The following ABCC8 variants were observed in gnomAD, a reference collection of about 807,000 sequenced individuals.
ABCC8 encodes ATP binding cassette subfamily C member 8, also known as ATP-binding cassette sub-family C member 8.
Under a neutral mutation model 188.0 loss-of-function variants are expected in ABCC8, and 137 were observed. That is an observed-to-expected ratio of 0.73 (90% CI 0.63 to 0.84). The LOEUF (loss-of-function observed/expected upper bound fraction) is 0.84, where lower values mean the gene tolerates loss of function less well. Ranked by LOEUF, ABCC8 falls within the 40% of genes least tolerant of loss-of-function variation. The pLI, the probability that ABCC8 is intolerant of heterozygous loss-of-function variation, is 0.00. For missense variants in ABCC8, 1,750 were observed against 2,072.7 expected, an observed-to-expected ratio of 0.84 and a Z score of 3.02; for synonymous variants, 797 against 846.5, an observed-to-expected ratio of 0.94 and a Z score of 1.01.
chr11:17,458,916 C>T (rs1205461700), intron 6 of ABCC8, among the ~76,000 whole-genome samples: 1 of 152,214 alleles, frequency 6.6e-6, no homozygotes, highest in African/African-American at 2.4e-5. Context: ...ACATGTAACA[C>T]ATAGCATAAA....
chr11:17,432,229 G>C lies in ABCC8; in HGVS notation c.1646C>G (p.Ala549Gly). ...YTSISIFMNT[A>G]IPIAAVLITF... is the part of the protein sequence containing the mutation. ...TATGAGGACAGCTGCAATGGGGATG[G>C]CCGTGTTCATGAAAACTGCAGAGGA... Residue 549 changes from alanine (A) to glycine (G), a missense_variant, in exon 11 of 39, where the codon GCC (alanine) becomes GGC (glycine). Transcript: ENST00000389817. 6.4e-7 allele frequency: 1 copy of C among 1,552,718 alleles called. No individual in the cohort carries two copies. Among genetic ancestry groups the C allele is most frequent in the Non-Finnish European group, 8.7e-7 (1 of 1,147,406 alleles).
At chr11:17,442,101 A>C (rs1045566406) in intron 10 of ABCC8, among the ~76,000 whole-genome samples, 2 of 152,178 alleles carry the variant, frequency 1.3e-5, no homozygotes, top group Non-Finnish European at 2.9e-5. Context: ...AAAAAGTTTT[A>C]CATTCTCAGT....
intron 3 of ABCC8, among the ~76,000 whole-genome samples, chr11:17,464,751 C>T (rs958070879): frequency 6.6e-6 from 1 of 152,192 alleles, no homozygotes; most frequent in Non-Finnish European, 1.5e-5. Flanking sequence ...CAACCAAAAC[C>T]AGCAATAACC....
chr11:17,419,546 G>GGGATATTAGGT (rs369315180), intron 16 of ABCC8, among the ~76,000 whole-genome samples: 1 of 152,246 alleles, frequency 6.6e-6, no homozygotes, highest in African/African-American at 2.4e-5. Flanking sequence ...TCTGGGTGAT[G>GGGATATTAGGT]GGATATTAGG....
At chr11:17,432,883 G>A (rs1246309188) in intron 10 of ABCC8, among the ~76,000 whole-genome samples, 3 of 152,180 alleles carry the variant, frequency 2.0e-5, no homozygotes, top group African/African-American at 7.2e-5. Flanking sequence ...GACTTGGTGT[G>A]ACAGAAGGGC....
At chr11:17,394,638 C>A (rs1008978500) in intron 36 of ABCC8, among the ~76,000 whole-genome samples, 1 of 152,022 alleles carries the variant, frequency 6.6e-6, no homozygotes, top group Non-Finnish European at 1.5e-5. Flanking sequence ...TGGCCCTGGG[C>A]AGTTCTGGGA....
At chr11:17,448,404 A>G (rs1956623178) in intron 8 of ABCC8, 112 bp downstream of exon 8, 1 of 965,276 alleles carries the variant, frequency 1.0e-6, no homozygotes, top group Non-Finnish European at 1.7e-6. Context: ...TGTGAAAGGT[A>G]CAGGCAAGCA....
intron 14 of ABCC8, 84 bp downstream of exon 14, chr11:17,428,204 AG>A: frequency 6.3e-7 from 1 of 1,598,288 alleles, no homozygotes; most frequent in South Asian, 1.1e-5. Flanking sequence ...CAGAGGACTA[AG>A]CATGCAGCTT....
chr11:17,431,963 A>G (rs2133553414), intron 11 of ABCC8, among the ~76,000 whole-genome samples: 2 of 152,346 alleles, frequency 1.3e-5, no homozygotes, highest in Admixed American at 1.3e-4. Context: ...TTTTTAAAAG[A>G]AAGTTTAATT....
chr11:17,462,516 C>T (rs911170273), intron 4 of ABCC8, among the ~76,000 whole-genome samples: 1 of 152,204 alleles, frequency 6.6e-6, no homozygotes, highest in African/African-American at 2.4e-5. Context: ...TTAAAATACA[C>T]AGACCCTTTG....
intron 12 of ABCC8, chr11:17,429,695 G>A (rs1343499777): frequency 6.6e-6 from 1 of 152,236 alleles, no homozygotes; most frequent in Non-Finnish European, 1.5e-5. Flanking sequence ...TAAATCTGTG[G>A]TTTCTACACA....
At position 17,395,247 on chromosome 11, in the gene ABCC8, A is replaced by C; in HGVS notation, c.4336T>G (p.Ser1446Ala). 6.3e-7 allele frequency: 1 copy of C among 1,598,008 alleles called. No individual in the cohort carries two copies. The highest frequency in any genetic ancestry group is 8.5e-7 in the Non-Finnish European group (1 of 1,171,088). ...RFNLDPERKC[S>A]DSTLWEALEI... ...AGGGCCTCCCACAGTGTGCTATCTGAGCACTTCCTCTCAGGGTCCAGGTTA... is the reference window on the plus strand; with the variant it reads ...AGGGCCTCCCACAGTGTGCTATCTGCGCACTTCCTCTCAGGGTCCAGGTTA... The change falls in exon 36 of 39, where the codon TCA becomes GCA. Residue 1446 changes from serine to alanine, a missense_variant. Ser to Ala is a moderately conservative substitution (Grantham distance 99, BLOSUM62 1). Coordinates refer to ENST00000389817, the MANE Select transcript of ABCC8 (RefSeq NM_000352.6).
chr11:17,450,540 ACC>A (rs1209642299), intron 7 of ABCC8, among the ~76,000 whole-genome samples: 14 of 138,408 alleles, frequency 1.0e-4, no homozygotes, highest in East Asian at 2.1e-4. Flanking sequence ...GACTACAGGC[ACC>A]CGCCACCATG....
chr11:17,428,474 G>A (rs572373407), intron 13 of ABCC8, 69 bp from the exon 14 acceptor site: 95 of 1,601,624 alleles, frequency 5.9e-5, no homozygotes, highest in Non-Finnish European at 7.8e-5. Flanking sequence ...CCCTCTTCCT[G>A]GGAAAAAAGG....
intron 10 of ABCC8, among the ~76,000 whole-genome samples, chr11:17,441,520 T>C (rs1399068377): frequency 6.6e-6 from 1 of 152,216 alleles, no homozygotes; most frequent in African/African-American, 2.4e-5. Flanking sequence ...TGTTTTCTTC[T>C]TTCCAGGGGC....
chr11:17,418,467 T>C (rs1032351072), intron 16 of ABCC8, among the ~76,000 whole-genome samples: 4 of 152,214 alleles, frequency 2.6e-5, no homozygotes, highest in Non-Finnish European at 5.9e-5. Context: ...AAACTTCATA[T>C]TCCCTAACCA....
At chr11:17,441,732 G>A (rs1956322913) in intron 10 of ABCC8, among the ~76,000 whole-genome samples, 1 of 152,152 alleles carries the variant, frequency 6.6e-6, no homozygotes, top group Non-Finnish European at 1.5e-5. Flanking sequence ...CCCTCACTCT[G>A]ACCAGGGGAC....
chr11:17,467,040 A>C (rs1848195311), intron 3 of ABCC8, among the ~76,000 whole-genome samples: 1 of 115,162 alleles, frequency 8.7e-6, no homozygotes, highest in African/African-American at 3.6e-5. Flanking sequence ...AAACATGTTA[A>C]ACCACACACA....
In ABCC8 at chr11:17,395,152, G is replaced by A. The variant is rs1211182562; in HGVS notation, c.4411+20C>T. On this transcript the variant is annotated intron_variant, in intron 36 of 38. Transcript: ENST00000389817. ...CCTTGAGTGCCCAACCAACCCAGCT[G>A]CATAGCCAGGAGTAGTTACCGAGGC... 5 of 1,557,848 alleles carry A rather than the reference G, an allele frequency of 3.2e-6. No homozygotes were observed. The highest frequency in any genetic ancestry group is 3.5e-6 in the Non-Finnish European group (4 of 1,149,700).
Sources: gnomAD v4.1 joint callset for allele counts (sites outside exome capture counted in the v4.1 genomes callset) on GRCh38, gnomAD v4.1.1 for gene constraint, MANE v1.5 for transcripts, NCBI Gene and HGNC (gene_info 2026-07-23, HGNC 2026-07-21) for gene names.